RAB3GAP2: variants seen among roughly 807,000 people sequenced by gnomAD.
RAB3GAP2 encodes RAB3 GTPase activating non-catalytic protein subunit 2.
Under a neutral mutation model 185.3 loss-of-function variants are expected in RAB3GAP2, and 87 were observed. The ratio of observed to expected loss-of-function variants is 0.47; its 90% CI spans 0.39 to 0.56. The LOEUF (loss-of-function observed/expected upper bound fraction) is 0.56, where lower values mean the gene tolerates loss of function less well. Among genes scored for constraint, RAB3GAP2 ranks in the 20% least tolerant of loss-of-function variants. The pLI is 0.00. For synonymous variants in RAB3GAP2, 554 were observed against 576.1 expected (o/e 0.96, Z 0.55); for missense variants, 1,492 against 1,638.2 (o/e 0.91, Z 1.54).
chr1:220,159,465 TAA>T, intron 28 of RAB3GAP2, 44 bp from the exon 29 acceptor site: 1 of 1,383,384 alleles, frequency 7.2e-7, no homozygotes, highest in Non-Finnish European at 1.0e-6. Context: ...ATAATTTAAA[TAA>T]AAAGACATTA....
At position 220,190,520 on chromosome 1, in the gene RAB3GAP2, C is replaced by T; in HGVS notation, c.1488G>A (p.Arg496=). ...VGAFNVGKHC[R]LLYPGYKIMG... ...TTATTTTATAGCCAGGATACAGCAG[C>T]CTAAAGAAATCACATACCAATATGG... The change falls in exon 15 of 35, where the codon AGG becomes AGA. Residue 496 remains arginine (R), a splice_region_variant and synonymous_variant. Coordinates refer to ENST00000358951, the MANE Select transcript of RAB3GAP2 (RefSeq NM_012414.4). 6.3e-7 allele frequency: 1 copy of T among 1,594,038 alleles called. No individual in the cohort carries two copies. Among genetic ancestry groups the T allele is most frequent in the Non-Finnish European group, 8.6e-7 (1 of 1,161,952 alleles).
chr1:220,226,053 A>G (rs1400165971), intron 2 of RAB3GAP2, among the ~76,000 whole-genome samples: 2 of 152,178 alleles, frequency 1.3e-5, no homozygotes, highest in African/African-American at 2.4e-5. Context: ...AGTTTCTGTA[A>G]AACAGATGGA....
chr1:220,185,575 G>A (rs1658492719), intron 18 of RAB3GAP2, 76 bp downstream of exon 18: 4 of 1,073,074 alleles, frequency 3.7e-6, no homozygotes, highest in Non-Finnish European at 2.9e-6. Flanking sequence ...GTATCACAAA[G>A]TCAATAGCTT....
intron 21 of RAB3GAP2, among the ~76,000 whole-genome samples, chr1:220,174,371 C>T (rs1249001506): frequency 6.6e-6 from 1 of 152,030 alleles, no homozygotes; most frequent in African/African-American, 2.4e-5. Context: ...TACCTCATCC[C>T]ATATAGACAC....
intron 18 of RAB3GAP2, 40 bp from the exon 19 acceptor site, chr1:220,184,203 T>G: frequency 6.5e-7 from 1 of 1,540,120 alleles, no homozygotes; most frequent in Non-Finnish European, 9.0e-7. Flanking sequence ...GAGATATATT[T>G]AACAGACTCA....
chr1:220,196,047 T>C, intron 10 of RAB3GAP2: 4 of 603,416 alleles, frequency 6.6e-6, no homozygotes, highest in East Asian at 3.0e-5. Context: ...ACAAAGAATT[T>C]CCTTTTATAC....
intron 2 of RAB3GAP2, among the ~76,000 whole-genome samples, chr1:220,228,036 A>G (rs150177391): frequency 6.6e-4 from 101 of 152,304 alleles, no homozygotes; most frequent in African/African-American, 2.4e-3. Context: ...TACAGGCGTG[A>G]GCCACCGCGC....
At chr1:220,160,895 G>C (rs1657952613) in intron 28 of RAB3GAP2, among the ~76,000 whole-genome samples, 1 of 152,144 alleles carries the variant, frequency 6.6e-6, no homozygotes, top group Non-Finnish European at 1.5e-5. Flanking sequence ...TTCAACCACA[G>C]AACCTAGCAT....
intron 21 of RAB3GAP2, among the ~76,000 whole-genome samples, chr1:220,178,391 A>T (rs1180945814): frequency 6.6e-6 from 1 of 152,222 alleles, no homozygotes; most frequent in African/African-American, 2.4e-5. Flanking sequence ...CTTAAACCAC[A>T]TATATCTTTA....
chr1:220,218,671 T>G (rs1055204252), intron 2 of RAB3GAP2, among the ~76,000 whole-genome samples: 1 of 151,632 alleles, frequency 6.6e-6, no homozygotes, highest in Non-Finnish European at 1.5e-5. Flanking sequence ...CACACCAAAA[T>G]GGCACATGTA....
intron 12 of RAB3GAP2, among the ~76,000 whole-genome samples, chr1:220,194,760 C>T (rs764330067): frequency 2.6e-4 from 39 of 152,208 alleles, no homozygotes; most frequent in Admixed American, 3.9e-4. Flanking sequence ...AACAAACTAT[C>T]TAAACTTTTA....
chr1:220,152,903 T>G (rs112018007), intron 33 of RAB3GAP2, among the ~76,000 whole-genome samples: 143 of 152,208 alleles, frequency 9.4e-4, no homozygotes, highest in African/African-American at 3.3e-3. Flanking sequence ...AAATTTAGCA[T>G]GCTTTTCTGC....
At chr1:220,229,291 G>A (rs1393607711) in intron 2 of RAB3GAP2, among the ~76,000 whole-genome samples, 1 of 152,084 alleles carries the variant, frequency 6.6e-6, no homozygotes, top group Non-Finnish European at 1.5e-5. Context: ...AAAATACAAG[G>A]AAAACTAACT....
At chr1:220,193,159 G>T in intron 13 of RAB3GAP2, 81 bp downstream of exon 13, 1 of 1,515,168 alleles carries the variant, frequency 6.6e-7, no homozygotes, top group Non-Finnish European at 9.1e-7. Context: ...TTATCATCCA[G>T]AAGCTGAAGG....
At chr1:220,209,294 A>G (rs992222661) in intron 7 of RAB3GAP2, among the ~76,000 whole-genome samples, 3 of 152,080 alleles carry the variant, frequency 2.0e-5, no homozygotes, top group Non-Finnish European at 4.4e-5. Context: ...TGCTTATTTG[A>G]CAGTTTCTCA....
In RAB3GAP2 at chr1:220,213,855, C is replaced by T. The variant is rs769690915; in HGVS notation, c.304+1G>A. 3 of 1,612,446 alleles carry T rather than the reference C, an allele frequency of 1.9e-6. No individual in the cohort carries two copies. The highest frequency in any genetic ancestry group is 2.2e-5 in the East Asian group (1 of 44,802). Reference sequence around the variant, plus strand: ...GTCGCTGAAAATAATAGGATACTCACGCACTAGAAATACAGCTTTTTGCTC... The same window carrying T: ...GTCGCTGAAAATAATAGGATACTCATGCACTAGAAATACAGCTTTTTGCTC... On this transcript the variant is annotated splice_donor_variant, in intron 3 of 34. Coordinates refer to ENST00000358951, the MANE Select transcript of RAB3GAP2 (RefSeq NM_012414.4). LOFTEE classifies it high-confidence loss of function.
At chr1:220,190,003 T>G (rs1658583786) in intron 16 of RAB3GAP2, 61 bp downstream of exon 16, 1 of 1,366,102 alleles carries the variant, frequency 7.3e-7, no homozygotes, top group Admixed American at 1.7e-5. Flanking sequence ...TTCAGAATAT[T>G]TTATTGATTT....
chr1:220,156,147 C>T (rs1657853096), intron 31 of RAB3GAP2, among the ~76,000 whole-genome samples: 1 of 152,070 alleles, frequency 6.6e-6, no homozygotes, highest in Non-Finnish European at 1.5e-5. Context: ...GACAGGGTTT[C>T]ACCATGTTGG....
At chr1:220,194,523 G>C (rs769365921) in intron 12 of RAB3GAP2, among the ~76,000 whole-genome samples, 1 of 152,076 alleles carries the variant, frequency 6.6e-6, no homozygotes, top group African/African-American at 2.4e-5. Flanking sequence ...CACCGGAGTA[G>C]CTGGGATTAC....
Sources: allele counts gnomAD v4.1 joint callset (sites outside exome capture counted in the v4.1 genomes callset), GRCh38; gene constraint gnomAD v4.1.1; transcripts MANE v1.5; gene names NCBI Gene and HGNC (gene_info 2026-07-23, HGNC 2026-07-21).